The following ZNF462 variants were observed in gnomAD, a reference collection of about 807,000 sequenced individuals.
ZNF462 encodes the protein zinc finger PBX1-interacting protein.
Under a neutral mutation model 201.9 loss-of-function variants are expected in ZNF462, and 10 were observed. The ratio of observed to expected loss-of-function variants is 0.05; its 90% CI spans 0.03 to 0.08. The LOEUF is 0.08. Ranked by LOEUF, ZNF462 falls within the 10% of genes least tolerant of loss-of-function variation. The pLI is 1.00. For missense variants in ZNF462, 2,523 were observed against 3,168.3 expected (o/e 0.80, Z 4.89); for synonymous variants, 1,227 against 1,193.3 (o/e 1.03, Z -0.58).
At chr9:106,860,909 G>C (rs1025726984), upstream of ZNF462, among the ~76,000 whole-genome samples, 1 of 151,870 alleles carries the variant, frequency 6.6e-6, no homozygotes, top group Admixed American at 6.5e-5. The surrounding 1 kb of genome is among the most constrained non-coding windows in gnomAD (Gnocchi z 7.1). Flanking sequence ...TTTCAATCCG[G>C]AACAGCCTCA....
chr9:106,962,385 T>C lies in ZNF462; in HGVS notation c.6428-9620T>C, dbSNP rs1205950575. ...ATGGTGATGTCATTGACAAAAAATA[T>C]AGAAAGACAAATGAATATGTTCCCA... is the stretch of plus-strand genomic sequence containing the variant. On this transcript the variant is annotated intron_variant, in intron 7 of 12. Coordinates refer to ENST00000277225, the MANE Select transcript of ZNF462 (RefSeq NM_021224.6). The surrounding 1 kb of genome is among the most constrained non-coding windows in gnomAD (Gnocchi z 4.6). Among the ~76,000 whole-genome samples, 13 of 152,002 alleles carry C rather than the reference T, an allele frequency of 8.6e-5. No homozygotes were observed. The highest frequency in any genetic ancestry group is 7.9e-4 in the Admixed American group (12 of 15,242).
rs537133551 is a variant in ZNF462, at chr9:106,920,319, C to G, written c.-30-3035C>G. ...CCCATGTACCATCTCATAAACATAT[C>G]AAGTTTCTCTCTCTTTGATTGGGCC... On this transcript the variant is annotated intron_variant, in intron 1 of 12. Transcript: ENST00000277225. The surrounding 1 kb of genome is among the most constrained non-coding windows in gnomAD (Gnocchi z 4.3). Among the ~76,000 whole-genome samples the G allele has an allele frequency of 2.0e-5, 3 of 152,164 alleles. No individual in the cohort carries two copies. The highest frequency in any genetic ancestry group is 4.4e-5 in the Non-Finnish European group (3 of 68,026).
At chr9:106,967,224 A>C (rs531062590) in intron 7 of ZNF462, among the ~76,000 whole-genome samples, 1 of 152,190 alleles carries the variant, frequency 6.6e-6, no homozygotes, top group East Asian at 1.9e-4. Flanking sequence ...CCCCTAATAA[A>C]TATGAGTTTC....
Position 106,958,001 on chromosome 9 carries a change from G to A in ZNF462, c.6428-14004G>A, listed in dbSNP as rs117174970. Among the ~76,000 whole-genome samples the A allele has an allele frequency of 1.1e-4, 16 of 152,218 alleles. No homozygotes were observed. In the East Asian group the frequency reaches 3.1e-3, roughly 29 times the overall value. On this transcript the variant is annotated intron_variant, in intron 7 of 12. Coordinates refer to ENST00000277225, the MANE Select transcript of ZNF462 (RefSeq NM_021224.6). ...TCCATTTGAGATGTGAATGTACTGA[G>A]TTCAATAGAAACAGTTAGATGAACA...
At chr9:106,888,437 A>G (rs1828427883) in intron 1 of ZNF462, among the ~76,000 whole-genome samples, 1 of 152,224 alleles carries the variant, frequency 6.6e-6, no homozygotes, top group African/African-American at 2.4e-5. Context: ...AGTGTTTGGC[A>G]GGGAGGAAGC....
At chr9:106,991,881 C>A (rs886973138) in intron 10 of ZNF462, among the ~76,000 whole-genome samples, 13 of 139,554 alleles carry the variant, frequency 9.3e-5, no homozygotes, top group South Asian at 6.9e-4. Context: ...CACACACACA[C>A]AACAATCAAA....
At chr9:106,908,912 T>TACATAC (rs1351042408) in intron 1 of ZNF462, among the ~76,000 whole-genome samples, 1 of 12,942 alleles carries the variant, frequency 7.7e-5, no homozygotes, top group African/African-American at 6.2e-4. Context: ...CATATATACA[T>TACATAC]ATATATATAT....
chr9:106,911,979 T>C (rs577192409), intron 1 of ZNF462, among the ~76,000 whole-genome samples: 1 of 152,356 alleles, frequency 6.6e-6, no homozygotes, highest in South Asian at 2.1e-4. Flanking sequence ...AAATCCAGTA[T>C]GAACAATATT....
chr9:106,968,929 C>A lies in ZNF462; in HGVS notation c.6428-3076C>A, dbSNP rs1832202774. ...ACAGAACGACCTCCTTCCTGCTCTTCAGGCCATGCTTCATGAACAAACAGG... is the reference window on the plus strand; with the variant it reads ...ACAGAACGACCTCCTTCCTGCTCTTAAGGCCATGCTTCATGAACAAACAGG... On this transcript the variant is annotated intron_variant, in intron 7 of 12. Coordinates refer to ENST00000277225, the MANE Select transcript of ZNF462 (RefSeq NM_021224.6). This position sits in a 1 kb window ranked among gnomAD's most constrained non-coding sequence, Gnocchi z 4.0. Among the ~76,000 whole-genome samples, 1 of 152,192 alleles carries A rather than the reference C, an allele frequency of 6.6e-6. No homozygotes were observed. The highest frequency in any genetic ancestry group is 1.5e-5 in the Non-Finnish European group (1 of 68,034).
chr9:106,865,495 C>T lies in ZNF462; in HGVS notation c.-31+2140C>T, dbSNP rs1416909823. 6.6e-6 allele frequency among the ~76,000 whole-genome samples: 1 copy of T among 152,070 alleles called. No homozygotes were observed. Among genetic ancestry groups the T allele is most frequent in the Non-Finnish European group, 1.5e-5 (1 of 68,028 alleles). On this transcript the variant is annotated intron_variant, in intron 1 of 12. Transcript: ENST00000277225. The surrounding 1 kb of genome is among the most constrained non-coding windows in gnomAD (Gnocchi z 4.1). ...AAATATAAAAAATAATAAGAATAATCCTGCAAGATCTCAGAGGAACTCTAA... is the reference window on the plus strand; with the variant it reads ...AAATATAAAAAATAATAAGAATAATTCTGCAAGATCTCAGAGGAACTCTAA...
Position 106,917,868 on chromosome 9 carries a change from T to G in ZNF462, c.-30-5486T>G, listed in dbSNP as rs907225062. 3.1e-4 allele frequency among the ~76,000 whole-genome samples: 46 copies of G among 149,500 alleles called. No homozygotes were observed. Among genetic ancestry groups the G allele is most frequent in the African/African-American group, 1.1e-3 (45 of 40,840 alleles). On this transcript the variant is annotated intron_variant, in intron 1 of 12. Coordinates refer to ENST00000277225, the MANE Select transcript of ZNF462 (RefSeq NM_021224.6). This position sits in a 1 kb window ranked among gnomAD's most constrained non-coding sequence, Gnocchi z 4.5. ...TTTTTATATTTATTTATTTATTTAT[T>G]TATTTATTTATTTATTTATTTATTT...
At position 106,927,710 on chromosome 9, in the gene ZNF462, A is replaced by G. The variant is rs1053553370; in HGVS notation, c.3798A>G (p.Lys1266=). Residue 1266 remains lysine, a synonymous_variant, in exon 3 of 13, where the codon AAA becomes AAG. Transcript: ENST00000277225. The part of the protein sequence containing the change: ...ERDKTKLRAL[K]CRQCSYTSPY... ...ACAAAACGAAACTCCGAGCACTCAA[A>G]TGTAGGCAGTGCTCATATACCTCCC... is the stretch of plus-strand genomic sequence containing the variant. 1.9e-6 allele frequency: 3 copies of G among 1,613,982 alleles called. No homozygotes were observed. Among genetic ancestry groups the G allele is most frequent in the Non-Finnish European group, 2.5e-6 (3 of 1,180,030 alleles).
rs1002893102 is a variant in ZNF462 at position 107,010,136 on chromosome 9, A to G, written c.7313+468A>G. Reference sequence around the variant, plus strand: ...GTAGGTGAGAGCATACTTGTAAAATACTTATGAGATCCCTGAACATAAAAT... The same window carrying G: ...GTAGGTGAGAGCATACTTGTAAAATGCTTATGAGATCCCTGAACATAAAAT... On this transcript the variant is annotated intron_variant, in intron 12 of 12. Coordinates refer to ENST00000277225, the MANE Select transcript of ZNF462 (RefSeq NM_021224.6). The surrounding 1 kb of genome is among the most constrained non-coding windows in gnomAD (Gnocchi z 4.6). 8.5e-5 allele frequency among the ~76,000 whole-genome samples: 13 copies of G among 152,066 alleles called. No homozygotes were observed. Among genetic ancestry groups the G allele is most frequent in the African/African-American group, 2.4e-4 (10 of 41,402 alleles).
intron 10 of ZNF462, among the ~76,000 whole-genome samples, chr9:106,992,544 G>A (rs764812400): frequency 3.3e-5 from 5 of 152,034 alleles, no homozygotes; most frequent in South Asian, 2.1e-4. Flanking sequence ...ACTATTCAGC[G>A]ATGAAAAAGA....
chr9:106,867,069 T>C (rs1233980494), intron 1 of ZNF462, among the ~76,000 whole-genome samples: 2 of 152,166 alleles, frequency 1.3e-5, no homozygotes, highest in Admixed American at 6.5e-5. Flanking sequence ...TGAACTTTTC[T>C]GGAAGGGAAA....
Position 106,932,089 on chromosome 9 carries a change from A to G in ZNF462, c.6013-357A>G, listed in dbSNP as rs978460696. Among the ~76,000 whole-genome samples the G allele has an allele frequency of 1.3e-5, 2 of 152,194 alleles. No individual in the cohort carries two copies. The highest frequency in any genetic ancestry group is 4.8e-5 in the African/African-American group (2 of 41,460). ...CTAAAATCACCTCCACTGCATGAAG[A>G]ATGGCAGTTGGGCTTGCTCTCCCTC... On this transcript the variant is annotated intron_variant, in intron 4 of 12. Transcript: ENST00000277225. The surrounding 1 kb of genome is among the most constrained non-coding windows in gnomAD (Gnocchi z 6.8).
intron 1 of ZNF462, among the ~76,000 whole-genome samples, chr9:106,889,468 T>C (rs1001378533): frequency 6.6e-6 from 1 of 152,198 alleles, no homozygotes; most frequent in Admixed American, 6.5e-5. Context: ...AGAACTCTCT[T>C]TGTCAGACTG....
Position 106,895,904 on chromosome 9 carries a change from C to A in ZNF462, c.-30-27450C>A, listed in dbSNP as rs1828790583. On this transcript the variant is annotated intron_variant, in intron 1 of 12. Transcript: ENST00000277225. The surrounding 1 kb of genome is among the most constrained non-coding windows in gnomAD (Gnocchi z 4.4). ...TTCAGTCTGGTTATGATGTTCACCT[C>A]CCCTCTACATCCTGGTTTTATTTAC... is the stretch of plus-strand genomic sequence containing the variant. 6.6e-6 allele frequency among the ~76,000 whole-genome samples: 1 copy of A among 152,118 alleles called. No individual in the cohort carries two copies. Among genetic ancestry groups the A allele is most frequent in the Admixed American group, 6.5e-5 (1 of 15,270 alleles).
chr9:106,964,939 C>T (rs1007307424), intron 7 of ZNF462, among the ~76,000 whole-genome samples: 1 of 151,938 alleles, frequency 6.6e-6, no homozygotes, highest in African/African-American at 2.4e-5. Context: ...ACCACTGTTG[C>T]CATGGTTCTT....
Sources: gnomAD v4.1 joint callset for allele counts (sites outside exome capture counted in the v4.1 genomes callset) on GRCh38, gnomAD v4.1.1 for gene constraint, Gnocchi (gnomAD v3.1) non-coding constraint, MANE v1.5 for transcripts, NCBI Gene and HGNC (gene_info 2026-07-23, HGNC 2026-07-21) for gene names.